TIAM2: variants seen among roughly 807,000 people sequenced by gnomAD.
TIAM2 encodes the protein TIAM Rac1 associated GEF 2, also known as rho guanine nucleotide exchange factor TIAM2.
Under a neutral mutation model 152.9 loss-of-function variants are expected in TIAM2, and 80 were observed. The observed-to-expected ratio is 0.52, with a 90% CI of 0.44 to 0.63. TIAM2 has a LOEUF of 0.63. Ranked by LOEUF, TIAM2 falls within the 30% of genes least tolerant of loss-of-function variation. The pLI is 0.00. For missense variants in TIAM2, 1,965 were observed against 2,120.1 expected, an observed-to-expected ratio of 0.93 and a Z score of 1.44; for synonymous variants, 804 against 838.0, an observed-to-expected ratio of 0.96 and a Z score of 0.70.
At chr6:155,113,377 C>T (rs949693958) in intron 2 of TIAM2, among the ~76,000 whole-genome samples, 24 of 152,168 alleles carry the variant, frequency 1.6e-4, no homozygotes, top group African/African-American at 5.3e-4. Context: ...CCTCCTCCCC[C>T]ATTTCCTTCT....
chr6:155,178,122 C>T lies in TIAM2; in HGVS notation c.2524-917C>T, dbSNP rs113681849. On this transcript the variant is annotated intron_variant, in intron 10 of 26. Coordinates refer to ENST00000682666, the MANE Select transcript of TIAM2 (RefSeq NM_012454.4). ...CTTGCCTTAAGCCGAGATGGCTCCA[C>T]TGCACCCCAGCCTGGGCGACAGAGC... 9.2e-3 allele frequency among the ~76,000 whole-genome samples: 1,350 copies of T among 146,862 alleles called. 20 individuals carry two copies. The highest frequency in any genetic ancestry group is 0.033 in the African/African-American group (1,300 of 39,102).
intron 26 of TIAM2, chr6:155,256,024 G>A (rs1005435184): frequency 5.1e-6 from 1 of 196,010 alleles, no homozygotes; most frequent in Non-Finnish European, 1.0e-5. Context: ...AAAAAAGGGG[G>A]GGGGAGGGGC....
In TIAM2 at chr6:155,179,448, GT is replaced by G. The variant is rs1311112038; in HGVS notation, c.2700del (p.Cys900TrpfsTer22). 2 of 1,611,966 alleles carry G rather than the reference GT, an allele frequency of 1.2e-6. No individual in the cohort carries two copies. The highest frequency in any genetic ancestry group is 1.7e-6 in the Non-Finnish European group (2 of 1,179,382). ...DVQLTKTGSVCDFGFAVTAQV... is the reference protein window; with the variant it reads ...DVQLTKTGSVXDFGFAVTAQV... ...CAGCTCACGAAGACTGGGAGTGTGT[GT>G]GACTTTGGTGAGTGTAAGGAATGCC... On this transcript the variant is annotated frameshift_variant, in exon 12 of 27. Transcript: ENST00000682666. LOFTEE classifies it high-confidence loss of function.
rs1776756157 is a variant in TIAM2 at position 155,029,448 on chromosome 6, GTATATATTATATATAATATATAC to G, written c.-209+33961_-209+33983del. Among the ~76,000 whole-genome samples the G allele has an allele frequency of 2.0e-4, 6 of 29,274 alleles. 1 individual carries two copies. In the Admixed American group the frequency reaches 2.1e-3, roughly 10 times the overall value. 19.2% of individuals were successfully genotyped at this position (29,274 alleles called of 152,430 possible). The stretch of plus-strand genomic sequence containing the variant: ...ATACTATAGTATATATTATACTATA[GTATATATTATATATAATATATAC>G]TATAGTATATATACTATAGTATATA... On this transcript the variant is annotated intron_variant, in intron 1 of 26. Transcript: ENST00000682666.
At position 155,072,229 on chromosome 6, in the gene TIAM2, A is replaced by G. The variant is rs536169034; in HGVS notation, c.-208-18060A>G. On this transcript the variant is annotated intron_variant, in intron 1 of 26. Transcript: ENST00000682666. ...TTCAAACTCGAGCATAACAGGATCA[A>G]ATTGGTGTTTTAGAATTTTCCCCTG... Among the ~76,000 whole-genome samples, 31 of 152,246 alleles carry G rather than the reference A, an allele frequency of 2.0e-4. No homozygotes were observed. In the South Asian group the frequency reaches 6.4e-3, roughly 32 times the overall value.
At chr6:155,106,939 G>A (rs946256211) in intron 2 of TIAM2, among the ~76,000 whole-genome samples, 10 of 152,230 alleles carry the variant, frequency 6.6e-5, no homozygotes, top group African/African-American at 2.2e-4. Context: ...TGAACATGAT[G>A]AGGGTGTGTA....
rs560312598 is a variant in TIAM2, at chr6:155,241,024, A to G, written c.3348+315A>G. ...GTCTGTACTGGTTTAGTATAAGGGGAGAGAGATCACTTTAGGTGATGAGGA... is the reference window on the plus strand; with the variant it reads ...GTCTGTACTGGTTTAGTATAAGGGGGGAGAGATCACTTTAGGTGATGAGGA... On this transcript the variant is annotated intron_variant, in intron 16 of 26. Coordinates refer to ENST00000682666, the MANE Select transcript of TIAM2 (RefSeq NM_012454.4). Among the ~76,000 whole-genome samples, 9 of 152,292 alleles carry G rather than the reference A, an allele frequency of 5.9e-5. No homozygotes were observed. In the South Asian group the frequency reaches 8.3e-4, roughly 14 times the overall value.
chr6:155,164,342 AG>A (rs1279853551), intron 7 of TIAM2, 72 bp from the exon 8 acceptor site: 3 of 1,403,380 alleles, frequency 2.1e-6, no homozygotes, highest in Non-Finnish European at 1.9e-6. Flanking sequence ...AGTTTGTGAA[AG>A]GGATCACATT....
At chr6:155,166,300 A>G (rs1780433724) in intron 9 of TIAM2, among the ~76,000 whole-genome samples, 1 of 148,702 alleles carries the variant, frequency 6.7e-6, no homozygotes, top group African/African-American at 2.5e-5. Context: ...CTCTTGCAAC[A>G]CTTTCTTTTT....
At position 155,151,831 on chromosome 6, in the gene TIAM2, TTTTTTTTC is replaced by T. The variant is rs1445157366; in HGVS notation, c.2028+3505_2028+3512del. On this transcript the variant is annotated intron_variant, in intron 7 of 26. Transcript: ENST00000682666. ...ATTTTCTGTAATTCTATAGAATCTTTTTTTTTTCTTTTTTTTTCTTTTTTTTTTTTGAG... is the reference window on the plus strand; with the variant it reads ...ATTTTCTGTAATTCTATAGAATCTTTTTTTTTTTTCTTTTTTTTTTTTGAG... 1.3e-3 allele frequency among the ~76,000 whole-genome samples: 129 copies of T among 102,546 alleles called. 1 individual carries two copies. The highest frequency in any genetic ancestry group is 5.3e-3 in the Middle Eastern group (1 of 190). The allele number at this position is 102,546 out of a possible 152,430, so 67.3% of individuals were successfully genotyped here. A position where few individuals can be genotyped will look rare whatever the true frequency, so the allele number is the denominator to read the frequency against.
chr6:155,018,111 G>A (rs146993879), intron 1 of TIAM2, among the ~76,000 whole-genome samples: 2,098 of 151,942 alleles, frequency 0.014, 45 homozygotes, highest in African/African-American at 0.046. Flanking sequence ...AGTGGCTCAC[G>A]CCTGTAATCC....
intron 15 of TIAM2, among the ~76,000 whole-genome samples, chr6:155,229,664 C>A (rs1782379081): frequency 6.6e-6 from 1 of 152,232 alleles, no homozygotes; most frequent in Admixed American, 6.5e-5. Context: ...GAGTTTCACA[C>A]TTACAGTGGG....
intron 1 of TIAM2, among the ~76,000 whole-genome samples, chr6:154,997,207 A>G (rs992761928): frequency 6.6e-6 from 1 of 152,182 alleles, no homozygotes; most frequent in Non-Finnish European, 1.5e-5. Flanking sequence ...CCATCTGTCA[A>G]TTACCCACGC....
intron 1 of TIAM2, among the ~76,000 whole-genome samples, chr6:155,059,294 C>CTGTGTGTGTGTGTGTGTGTG (rs56013145): frequency 8.5e-6 from 1 of 117,210 alleles, no homozygotes; most frequent in Admixed American, 8.7e-5. Context: ...GTGTGTGTGT[C>CTGTGTGTGTGTGTGTGTGTG]TGTGTGTGTG....
chr6:155,230,522 C>G (rs890045452), intron 15 of TIAM2, among the ~76,000 whole-genome samples: 1 of 108,852 alleles, frequency 9.2e-6, no homozygotes, highest in Non-Finnish European at 1.8e-5. Context: ...GCTTGTCTTC[C>G]CAGCCAGACT....
chr6:155,207,368 A>G (rs1781621297), intron 14 of TIAM2, among the ~76,000 whole-genome samples: 1 of 152,216 alleles, frequency 6.6e-6, no homozygotes, highest in Non-Finnish European at 1.5e-5. Context: ...TGGGGATGGC[A>G]GCTGTGGACA....
At chr6:155,224,048 G>T (rs551411549) in intron 15 of TIAM2, among the ~76,000 whole-genome samples, 1 of 152,316 alleles carries the variant, frequency 6.6e-6, no homozygotes, top group Non-Finnish European at 1.5e-5. Context: ...CTTCACCGAG[G>T]CCTGCTCAGA....
At chr6:155,147,431 C>T (rs542314767) in intron 6 of TIAM2, among the ~76,000 whole-genome samples, 49 of 152,210 alleles carry the variant, frequency 3.2e-4, no homozygotes, top group Admixed American at 3.1e-3. Context: ...CTCAGCTTCC[C>T]GAGTAGGTGG....
intron 14 of TIAM2, among the ~76,000 whole-genome samples, chr6:155,194,985 C>T (rs1251700756): frequency 6.6e-6 from 1 of 152,166 alleles, no homozygotes; most frequent in Non-Finnish European, 1.5e-5. Flanking sequence ...GACATGTTTG[C>T]GTCCCCTTCC....
Sources: gnomAD v4.1 joint callset for allele counts (sites outside exome capture counted in the v4.1 genomes callset) on GRCh38, gnomAD v4.1.1 for gene constraint, MANE v1.5 for transcripts, NCBI Gene and HGNC (gene_info 2026-07-23, HGNC 2026-07-21) for gene names.